The following RPTOR variants were observed in gnomAD, a reference collection of about 807,000 sequenced individuals.
RPTOR encodes the protein regulatory associated protein of MTOR complex 1, also known as regulatory-associated protein of mTOR.
In RPTOR, 21 loss-of-function variants were observed where a neutral mutation model predicts 169.9. That is an observed-to-expected ratio of 0.12 (90% CI 0.09 to 0.18). The LOEUF (loss-of-function observed/expected upper bound fraction) is 0.18. RPTOR is among the 10% of genes least tolerant of loss of function. The pLI is 1.00. For synonymous variants in RPTOR, 732 were observed against 753.2 expected, an observed-to-expected ratio of 0.97 and a Z score of 0.46; for missense variants, 1,133 against 1,855.9, an observed-to-expected ratio of 0.61 and a Z score of 7.16.
At chr17:80,565,838 A>G (rs960456706) in intron 1 of RPTOR, among the ~76,000 whole-genome samples, 2 of 152,278 alleles carry the variant, frequency 1.3e-5, no homozygotes, top group African/African-American at 2.4e-5. Flanking sequence ...TGGAGAGCAC[A>G]GCCAACCTTA....
intron 24 of RPTOR, among the ~76,000 whole-genome samples, chr17:80,930,577 C>T (rs1297026073): frequency 6.7e-6 from 1 of 149,984 alleles, no homozygotes; most frequent in Non-Finnish European, 1.5e-5. Context: ...TGGCTCCACC[C>T]CAGCTGCAGC....
intron 7 of RPTOR, among the ~76,000 whole-genome samples, chr17:80,819,647 A>G (rs1313940748): frequency 6.6e-6 from 1 of 152,218 alleles, no homozygotes; most frequent in Admixed American, 6.5e-5. Context: ...CGACTTTTAC[A>G]TGTGGTAAAG....
chr17:80,729,872 T>C (rs1018224779), intron 4 of RPTOR, among the ~76,000 whole-genome samples: 3 of 152,164 alleles, frequency 2.0e-5, no homozygotes, highest in Non-Finnish European at 1.5e-5. Context: ...CGGCGGGAAC[T>C]GAGGCAGCCA....
At chr17:80,608,321 C>T (rs184040244) in intron 1 of RPTOR, among the ~76,000 whole-genome samples, 5 of 152,270 alleles carry the variant, frequency 3.3e-5, no homozygotes, top group Admixed American at 6.5e-5. Context: ...ATGCATTATT[C>T]TGCAATTTTC....
chr17:80,619,644 C>T (rs941306639), intron 1 of RPTOR, among the ~76,000 whole-genome samples: 1 of 152,162 alleles, frequency 6.6e-6, no homozygotes, highest in Non-Finnish European at 1.5e-5. Context: ...GGTGGCAACG[C>T]TTGGCCTGAG....
intron 10 of RPTOR, among the ~76,000 whole-genome samples, chr17:80,838,449 C>A (rs1423251511): frequency 6.6e-6 from 1 of 152,242 alleles, no homozygotes; most frequent in Non-Finnish European, 1.5e-5. Flanking sequence ...AGCCACCCTA[C>A]GGCGGAACCT....
chr17:80,893,417 GGTGT>G (rs140589240), intron 19 of RPTOR, among the ~76,000 whole-genome samples: 4 of 137,466 alleles, frequency 2.9e-5, no homozygotes, highest in Non-Finnish European at 4.6e-5. Flanking sequence ...TGTGTACAAG[GGTGT>G]GTGTGTGCCA....
At chr17:80,892,292 C>T (rs55652314) in intron 18 of RPTOR, among the ~76,000 whole-genome samples, 1,908 of 152,228 alleles carry the variant, frequency 0.013, 15 homozygotes, top group Non-Finnish European at 0.02. Flanking sequence ...TCCACACAGC[C>T]GTCTCTGCCG....
rs186244067 is a variant in RPTOR, at chr17:80,820,905, A to G, written c.891-1296A>G. On this transcript the variant is annotated intron_variant, in intron 7 of 33. Coordinates refer to ENST00000306801, the MANE Select transcript of RPTOR (RefSeq NM_020761.3). This position sits in a 1 kb window ranked among gnomAD's most constrained non-coding sequence, Gnocchi z 4.1. ...TGACTAGAAAACCCTGATGTTGGGT[A>G]AACTGGTCTCCACTGTGGAGGTCGA... Among the ~76,000 whole-genome samples, 1 of 152,372 alleles carries G rather than the reference A, an allele frequency of 6.6e-6. No individual in the cohort carries two copies. Among genetic ancestry groups the G allele is most frequent in the East Asian group, 1.9e-4 (1 of 5,190 alleles).
chr17:80,834,672 T>C (rs752831354), intron 9 of RPTOR, among the ~76,000 whole-genome samples: 18 of 152,240 alleles, frequency 1.2e-4, no homozygotes, highest in Non-Finnish European at 1.9e-4. Context: ...ACAGCTTTGC[T>C]GGGCGGCATC....
intron 20 of RPTOR, among the ~76,000 whole-genome samples, chr17:80,901,542 C>T (rs2068476528): frequency 6.6e-6 from 1 of 152,180 alleles, no homozygotes; most frequent in Non-Finnish European, 1.5e-5. Context: ...AGGTGTCACT[C>T]ACACCACCTG....
At chr17:80,875,502 A>G (rs1456452697) in intron 13 of RPTOR, among the ~76,000 whole-genome samples, 2 of 152,160 alleles carry the variant, frequency 1.3e-5, no homozygotes, top group Admixed American at 6.5e-5. Flanking sequence ...TGTCATGTTC[A>G]TGCTCTTCCC....
At chr17:80,810,043 A>G (rs2067257605) in intron 7 of RPTOR, among the ~76,000 whole-genome samples, 1 of 143,072 alleles carries the variant, frequency 7.0e-6, no homozygotes. Flanking sequence ...GCGAGACTCC[A>G]TCTCAAAATA....
intron 9 of RPTOR, among the ~76,000 whole-genome samples, chr17:80,834,743 C>T (rs1189643747): frequency 6.6e-6 from 1 of 152,206 alleles, no homozygotes; most frequent in Non-Finnish European, 1.5e-5. Flanking sequence ...CAAGCGAGGG[C>T]CTTGGAGAAC....
chr17:80,783,477 T>G (rs1335770157), intron 6 of RPTOR, among the ~76,000 whole-genome samples: 1 of 152,268 alleles, frequency 6.6e-6, no homozygotes, highest in Non-Finnish European at 1.5e-5. Context: ...CTTAATCATT[T>G]CTTTTTTAAA....
At chr17:80,612,267 C>A (rs2143489872) in intron 1 of RPTOR, among the ~76,000 whole-genome samples, 1 of 152,294 alleles carries the variant, frequency 6.6e-6, no homozygotes, top group Middle Eastern at 3.4e-3. Context: ...GTAGCTGGGA[C>A]TACAGGTGTG....
At chr17:80,703,866 C>A (rs11867785) in intron 3 of RPTOR, among the ~76,000 whole-genome samples, 102,684 of 152,136 alleles carry the variant, frequency 0.67, 35,453 homozygotes, top group African/African-American at 0.82. Flanking sequence ...ATTTACATAA[C>A]GGCCCAGACC....
chr17:80,947,355 A>G lies in RPTOR; in HGVS notation c.3265+4A>G. The G allele has an allele frequency of 6.4e-7, 1 of 1,557,858 alleles. No individual in the cohort carries two copies. The highest frequency in any genetic ancestry group is 8.7e-7 in the Non-Finnish European group (1 of 1,154,236). The stretch of plus-strand genomic sequence containing the variant: ...TCGCTTCTGCTGACGGCCACAGGTG[A>G]GCGGGGTTTGCACAGCCAGGATTGG... On this transcript the variant is annotated splice_donor_region_variant and intron_variant, in intron 27 of 33. Transcript: ENST00000306801. This position sits in a 1 kb window ranked among gnomAD's most constrained non-coding sequence, Gnocchi z 4.4.
intron 3 of RPTOR, among the ~76,000 whole-genome samples, chr17:80,704,035 G>T (rs749403472): frequency 6.6e-6 from 1 of 152,096 alleles, no homozygotes; most frequent in African/African-American, 2.4e-5. Context: ...TTTTTTGTTG[G>T]GTGTGGAGAG....
Sources: allele counts gnomAD v4.1 joint callset (sites outside exome capture counted in the v4.1 genomes callset), GRCh38; gene constraint gnomAD v4.1.1; non-coding constraint Gnocchi (gnomAD v3.1); transcripts MANE v1.5; gene names NCBI Gene and HGNC (gene_info 2026-07-23, HGNC 2026-07-21).